MCTP1: variants seen among roughly 807,000 people sequenced by gnomAD.
MCTP1 encodes the protein multiple C2 and transmembrane domain-containing protein 1.
A neutral mutation model predicts 120.6 loss-of-function variants in MCTP1; 69 were observed. That is an observed-to-expected ratio of 0.57 (90% CI 0.47 to 0.70). The LOEUF (loss-of-function observed/expected upper bound fraction) is 0.70, where lower values mean the gene tolerates loss of function less well. Among genes scored for constraint, MCTP1 ranks in the 30% least tolerant of loss-of-function variants. The probability of loss-of-function intolerance (pLI) is 0.00; values close to 1 mark genes in which losing one functional copy is unlikely to be tolerated. For synonymous variants in MCTP1, 529 were observed against 493.1 expected, an observed-to-expected ratio of 1.07 and a Z score of -0.96; for missense variants, 1,203 against 1,248.8, an observed-to-expected ratio of 0.96 and a Z score of 0.55.
chr5:95,200,819 T>C (rs1253010482), intron 1 of MCTP1, among the ~76,000 whole-genome samples: 1 of 152,200 alleles, frequency 6.6e-6, no homozygotes, highest in Non-Finnish European at 1.5e-5. Context: ...CAAAAACTGA[T>C]GCGTATGTGA....
At chr5:94,876,227 A>C (rs1023540697) in intron 12 of MCTP1, among the ~76,000 whole-genome samples, 3 of 152,192 alleles carry the variant, frequency 2.0e-5, no homozygotes, top group African/African-American at 7.2e-5. Context: ...AAACAAAACC[A>C]ATCAGAGAAA....
chr5:95,006,274 C>T (rs1274209716), intron 2 of MCTP1, among the ~76,000 whole-genome samples: 2 of 151,266 alleles, frequency 1.3e-5, no homozygotes, highest in South Asian at 2.1e-4. Flanking sequence ...CACATAAACA[C>T]ATATACATAT....
At chr5:94,753,811 A>G (rs1769089558) in intron 19 of MCTP1, among the ~76,000 whole-genome samples, 1 of 152,246 alleles carries the variant, frequency 6.6e-6, no homozygotes, top group Admixed American at 6.5e-5. Context: ...TCTAGAAATT[A>G]TACTTCAGGT....
chr5:94,711,024 C>T (rs1580204345), intron 20 of MCTP1, 97 bp from the exon 21 acceptor site: 3 of 819,346 alleles, frequency 3.7e-6, no homozygotes, highest in Non-Finnish European at 2.0e-6. Context: ...AGTTAGTCTG[C>T]ATTTCTCTCT....
chr5:94,931,378 A>G (rs535573441), intron 6 of MCTP1: 2 of 152,310 alleles, frequency 1.3e-5, no homozygotes, highest in African/African-American at 4.8e-5. Context: ...GCATCACTGA[A>G]CAAATTAAAC....
intron 17 of MCTP1, among the ~76,000 whole-genome samples, chr5:94,825,238 G>C (rs182761949): frequency 1.3e-4 from 20 of 152,220 alleles, no homozygotes; most frequent in Non-Finnish European, 4.4e-5. Flanking sequence ...GGTATGTTGT[G>C]TCTTTGTTCT....
chr5:94,993,940 A>G (rs1346547411), intron 2 of MCTP1, among the ~76,000 whole-genome samples: 2 of 152,208 alleles, frequency 1.3e-5, no homozygotes, highest in Non-Finnish European at 2.9e-5. Context: ...TTTTCCCCAC[A>G]ATTCTGGGAA....
chr5:95,108,873 C>A (rs1010457089), intron 1 of MCTP1, among the ~76,000 whole-genome samples: 1 of 152,136 alleles, frequency 6.6e-6, no homozygotes, highest in Non-Finnish European at 1.5e-5. Context: ...TAGGTAGTAA[C>A]AATAGGTAGC....
chr5:94,795,001 T>C (rs1377012794), intron 18 of MCTP1, among the ~76,000 whole-genome samples: 1 of 152,200 alleles, frequency 6.6e-6, no homozygotes, highest in East Asian at 1.9e-4. Flanking sequence ...CAGACTGCTC[T>C]GTGTTCTAAT....
At chr5:94,796,129 T>A (rs1362452186) in intron 18 of MCTP1, among the ~76,000 whole-genome samples, 11 of 152,226 alleles carry the variant, frequency 7.2e-5, no homozygotes, top group Non-Finnish European at 1.6e-4. Flanking sequence ...GTGTTTCTTT[T>A]CTTTTCTTCT....
At chr5:94,867,355 A>G (rs1797016410) in intron 17 of MCTP1, 8 of 1,533,296 alleles carry the variant, frequency 5.2e-6, no homozygotes, top group Non-Finnish European at 7.0e-6. Context: ...CCATGTGCTC[A>G]GACATTAATG....
At chr5:94,774,946 C>T (rs766857724) in intron 19 of MCTP1, among the ~76,000 whole-genome samples, 1 of 152,098 alleles carries the variant, frequency 6.6e-6, no homozygotes, top group African/African-American at 2.4e-5. Context: ...CCCCCTAACC[C>T]CTCATAGTTC....
chr5:94,860,555 G>C (rs1339683314), intron 17 of MCTP1, among the ~76,000 whole-genome samples: 2 of 151,720 alleles, frequency 1.3e-5, no homozygotes, highest in African/African-American at 2.4e-5. Context: ...GATCACAAAT[G>C]CTCTTTCTCC....
intron 12 of MCTP1, among the ~76,000 whole-genome samples, chr5:94,881,933 C>T (rs996759424): frequency 6.6e-6 from 1 of 152,082 alleles, no homozygotes; most frequent in African/African-American, 2.4e-5. Context: ...ATTCATACCC[C>T]AGCATATTTG....
chr5:94,911,438 C>T (rs114449564), intron 9 of MCTP1, among the ~76,000 whole-genome samples: 282 of 152,274 alleles, frequency 1.9e-3, no homozygotes, highest in African/African-American at 6.6e-3. Flanking sequence ...TGGGGGCGGA[C>T]ATCCCCCTTG....
rs577774349 is a variant in MCTP1, at chr5:94,784,049, A to C, written c.2557-4886T>G. Among the ~76,000 whole-genome samples, 23 of 152,268 alleles carry C rather than the reference A, an allele frequency of 1.5e-4. No homozygotes were observed. In the South Asian group the frequency reaches 3.7e-3, roughly 25 times the overall value. ...ACACGTTTACACATTTAAAGAAGAA[A>C]TCACTGCTGTCCAGATGTGCAACCA... On this transcript the variant is annotated intron_variant, in intron 18 of 22. Transcript: ENST00000515393.
intron 8 of MCTP1, among the ~76,000 whole-genome samples, chr5:94,917,372 T>C (rs1187478656): frequency 6.6e-6 from 1 of 152,212 alleles, no homozygotes; most frequent in African/African-American, 2.4e-5. Flanking sequence ...ACCAACCTTG[T>C]TCTTCAAAGC....
intron 7 of MCTP1, among the ~76,000 whole-genome samples, chr5:94,918,844 C>CATGACAGGA (rs1227619483): frequency 6.6e-6 from 1 of 152,124 alleles, no homozygotes; most frequent in Non-Finnish European, 1.5e-5. Context: ...CAGTGTTTTT[C>CATGACAGGA]ATGACAGGAA....
chr5:94,738,823 G>A (rs949719436), intron 19 of MCTP1, among the ~76,000 whole-genome samples: 3 of 152,106 alleles, frequency 2.0e-5, no homozygotes, highest in Admixed American at 2.0e-4. Flanking sequence ...CCACTGTACC[G>A]AGCTCAGTAA....
Sources: allele counts gnomAD v4.1 joint callset (sites outside exome capture counted in the v4.1 genomes callset), GRCh38; gene constraint gnomAD v4.1.1; transcripts MANE v1.5; gene names NCBI Gene and HGNC (gene_info 2026-07-23, HGNC 2026-07-21).